CPA5: variants seen among roughly 807,000 people sequenced by gnomAD.
The protein encoded by CPA5 is carboxypeptidase A5, also known as testicular tissue protein Li 32.
In CPA5, 38 loss-of-function variants were observed where a neutral mutation model predicts 52.2. That is an observed-to-expected ratio of 0.73 (90% CI 0.56 to 0.95). The LOEUF is 0.95. Among genes scored for constraint, CPA5 ranks in the 40% least tolerant of loss-of-function variants. The pLI is 0.00. For missense variants in CPA5, 519 were observed against 566.7 expected (o/e 0.92, Z 0.86); for synonymous variants, 198 against 213.7 (o/e 0.93, Z 0.64).
chr7:130,347,251 C>T (rs538942461), intron 3 of CPA5, among the ~76,000 whole-genome samples: 4 of 152,328 alleles, frequency 2.6e-5, no homozygotes, highest in South Asian at 2.1e-4. Flanking sequence ...TCACCTCCAT[C>T]GGGAAGGAAA....
chr7:130,371,236 C>G (rs1796291688), downstream of CPA5, among the ~76,000 whole-genome samples: 1 of 152,250 alleles, frequency 6.6e-6, no homozygotes, highest in African/African-American at 2.4e-5. Flanking sequence ...TTACAATGTG[C>G]CAGGCACGGT....
intron 11 of CPA5, 61 bp downstream of exon 11, chr7:130,367,632 G>A: frequency 1.4e-6 from 2 of 1,467,626 alleles, no homozygotes; most frequent in Non-Finnish European, 1.9e-6. Context: ...ATCCATATCT[G>A]TCATACTCCC....
rs1554407002 is a variant in CPA5, at chr7:130,362,512, T to C, written c.609T>C (p.His203=). Residue 203 remains histidine, a synonymous_variant, in exon 8 of 13, where the codon CAT becomes CAC. Coordinates refer to ENST00000474905, the MANE Select transcript of CPA5 (RefSeq NM_080385.5). ...TGIHSREWIT[H]ATGIWTANKI... ...TTCACTCCCGGGAGTGGATCACCCA[T>C]GCCACCGGCATCTGGACTGCCAATA... 1.2e-6 allele frequency: 2 copies of C among 1,613,536 alleles called. No individual in the cohort carries two copies. The highest frequency in any genetic ancestry group is 1.7e-5 in the Admixed American group (1 of 60,014).
At chr7:130,349,954 T>A (rs981923308) in intron 4 of CPA5, 21 bp from the exon 5 acceptor site, 3 of 1,607,976 alleles carry the variant, frequency 1.9e-6, no homozygotes, top group Non-Finnish European at 2.5e-6. Context: ...TGCAGCTCTC[T>A]CTCTTTCCTT....
At chr7:130,356,836 T>C (rs574226495) in intron 5 of CPA5, among the ~76,000 whole-genome samples, 1 of 152,346 alleles carries the variant, frequency 6.6e-6, no homozygotes, top group African/African-American at 2.4e-5. Flanking sequence ...CACCAGATCC[T>C]TGGAGACCCT....
chr7:130,365,501 T>G (rs1413465618), intron 10 of CPA5, among the ~76,000 whole-genome samples: 2 of 152,252 alleles, frequency 1.3e-5, no homozygotes, highest in Non-Finnish European at 2.9e-5. Context: ...TTTAATAATT[T>G]ACCATGTCCT....
chr7:130,362,751 T>A, intron 8 of CPA5, 133 bp from the exon 9 acceptor site: 1 of 652,428 alleles, frequency 1.5e-6, no homozygotes, highest in Non-Finnish European at 2.7e-6. Flanking sequence ...TCCAAGCCTT[T>A]GGTTCTGCAT....
chr7:130,351,712 T>C (rs1584796830), intron 5 of CPA5, among the ~76,000 whole-genome samples: 2 of 151,952 alleles, frequency 1.3e-5, no homozygotes, highest in Non-Finnish European at 2.9e-5. Context: ...GAAGCTGAGA[T>C]TTGCTAACAG....
rs201396468 is a variant in CPA5 at position 130,362,566 on chromosome 7, C to G, written c.636+27C>G. ...TCAGCATGGACCTGTAGCCAAGGTG[C>G]ACCCACGATGGGGGCTGCAACTGGG... On this transcript the variant is annotated intron_variant, in intron 8 of 12. Coordinates refer to ENST00000474905, the MANE Select transcript of CPA5 (RefSeq NM_080385.5). 221 of 1,529,338 alleles carry G rather than the reference C, an allele frequency of 1.4e-4. No homozygotes were observed. The Middle Eastern group carries it at 1.5e-3, about 10-fold the overall frequency. 94.7% of individuals were successfully genotyped at this position (1,529,338 alleles called of 1,614,324 possible).
At chr7:130,372,579 T>C (rs1554410046), downstream of CPA5, among the ~76,000 whole-genome samples, 1 of 152,168 alleles carries the variant, frequency 6.6e-6, no homozygotes, top group African/African-American at 2.4e-5. Context: ...GTGACGAAAT[T>C]CCAGGCAGGA....
rs1048045233 is a variant in CPA5, at chr7:130,368,287, G to A, written c.1124-123G>A. On this transcript the variant is annotated intron_variant, in intron 12 of 12. Transcript: ENST00000474905. Reference sequence around the variant, plus strand: ...TTGAGGCCTGGGCAGGAAGCCTGGTGTGGCCTGGGGTGGGTGGGGGTTTGG... The same window carrying A: ...TTGAGGCCTGGGCAGGAAGCCTGGTATGGCCTGGGGTGGGTGGGGGTTTGG... The A allele has an allele frequency of 6.0e-5, 54 of 892,774 alleles. No homozygotes were observed. In the East Asian group the frequency reaches 6.7e-4, roughly 11 times the overall value. The allele number at this position is 892,774 out of a possible 1,614,324, so 55.3% of individuals were successfully genotyped here. A position where few individuals can be genotyped will look rare whatever the true frequency, so the allele number is the denominator to read the frequency against.
At chr7:130,358,201 G>T (rs1378119154) in intron 5 of CPA5, among the ~76,000 whole-genome samples, 1 of 152,004 alleles carries the variant, frequency 6.6e-6, no homozygotes, top group Non-Finnish European at 1.5e-5. Context: ...GCCTTGCTTT[G>T]TTGCCCAGGC....
At chr7:130,374,456 G>A in the CPA5 span, among the ~76,000 whole-genome samples, 53 of 152,046 alleles carry the variant, frequency 3.5e-4, no homozygotes, top group Non-Finnish European at 5.6e-4. Context: ...CAAGCTCTGC[G>A]GCTCTCCCTC....
Position 130,344,978 on chromosome 7 carries a change from ATC to A in CPA5, c.-375_-374del, listed in dbSNP as rs1405296583. 6.6e-6 allele frequency: 1 copy of A among 152,194 alleles called. No homozygotes were observed. Among genetic ancestry groups the A allele is most frequent in the Non-Finnish European group, 1.5e-5 (1 of 68,044 alleles). The allele number at this position is 152,194 out of a possible 1,614,324, so 9.4% of individuals were successfully genotyped here. On this transcript the variant is annotated 5_prime_UTR_variant, in exon 1 of 13. Transcript: ENST00000474905. ...ATGGGTACTTTTGGTGACTAGCACTATCTCTGTTTTTTTCCTTTTAAATTCCT... is the reference window on the plus strand; with the variant it reads ...ATGGGTACTTTTGGTGACTAGCACTATCTGTTTTTTTCCTTTTAAATTCCT...
intron 6 of CPA5, 83 bp downstream of exon 6, chr7:130,359,770 G>C: frequency 1.1e-6 from 1 of 893,660 alleles, no homozygotes; most frequent in Non-Finnish European, 1.8e-6. Flanking sequence ...AACTAGTGAA[G>C]GACTCCAGGG....
chr7:130,346,448 C>G lies in CPA5; in HGVS notation c.-38C>G. The G allele has an allele frequency of 1.3e-6, 2 of 1,509,442 alleles. No homozygotes were observed. Among genetic ancestry groups the G allele is most frequent in the Non-Finnish European group, 1.8e-6 (2 of 1,091,522 alleles). The allele number at this position is 1,509,442 out of a possible 1,614,324, so 93.5% of individuals were successfully genotyped here. ...TGTCCTGAGGCCTGGGCCATGGTGC[C>G]CAAGGAAAGCCCCTGAAGCTCACCA... On this transcript the variant is annotated 5_prime_UTR_variant, in exon 3 of 13. Coordinates refer to ENST00000474905, the MANE Select transcript of CPA5 (RefSeq NM_080385.5).
chr7:130,357,136 G>T (rs185371584), intron 5 of CPA5, among the ~76,000 whole-genome samples: 1 of 152,276 alleles, frequency 6.6e-6, no homozygotes, highest in South Asian at 2.1e-4. Flanking sequence ...TAATTGCCTC[G>T]CATGGAGTTG....
In CPA5 at chr7:130,359,462, A is replaced by G. The variant is rs545223786; in HGVS notation, c.334-127A>G. 588 of 652,940 alleles carry G rather than the reference A, an allele frequency of 9.0e-4. 2 individuals carry two copies. The highest frequency in any genetic ancestry group is 1.4e-3 in the Non-Finnish European group (521 of 369,590). 40.4% of individuals were successfully genotyped at this position (652,940 alleles called of 1,614,324 possible). The stretch of plus-strand genomic sequence containing the variant: ...ACCTTCCTTCTGTTGTGCAGTTCAC[A>G]CTCATGGTGGCTCATTCTCCTGTGT... On this transcript the variant is annotated intron_variant, in intron 5 of 12. Transcript: ENST00000474905.
chr7:130,350,992 A>G (rs1272622951), intron 5 of CPA5, among the ~76,000 whole-genome samples: 3 of 152,150 alleles, frequency 2.0e-5, no homozygotes, highest in Admixed American at 2.0e-4. Flanking sequence ...TATGGCGCTA[A>G]TCTCCCCTAA....
Sources: gnomAD v4.1 joint callset for allele counts (sites outside exome capture counted in the v4.1 genomes callset) on GRCh38, gnomAD v4.1.1 for gene constraint, MANE v1.5 for transcripts, NCBI Gene and HGNC (gene_info 2026-07-23, HGNC 2026-07-21) for gene names.